SEMA3A: variants seen among roughly 807,000 people sequenced by gnomAD.
SEMA3A encodes the protein semaphorin-3A.
In SEMA3A, 29 loss-of-function variants were observed where a neutral mutation model predicts 97.9. The observed-to-expected ratio is 0.30, with a 90% CI of 0.22 to 0.40. The LOEUF (loss-of-function observed/expected upper bound fraction) is 0.40. Among genes scored for constraint, SEMA3A ranks in the 10% least tolerant of loss-of-function variants. SEMA3A has a pLI of 1.00. For missense variants in SEMA3A, 763 were observed against 951.3 expected, an observed-to-expected ratio of 0.80 and a Z score of 2.60; for synonymous variants, 321 against 323.7, an observed-to-expected ratio of 0.99 and a Z score of 0.09.
At chr7:84,282,449 C>A (rs575575646) in intron 3 of SEMA3A, among the ~76,000 whole-genome samples, 1 of 152,052 alleles carries the variant, frequency 6.6e-6, no homozygotes, top group Non-Finnish European at 1.5e-5. Context: ...TTAGCAACAT[C>A]ATAATTTATT....
intron 3 of SEMA3A, among the ~76,000 whole-genome samples, chr7:84,276,665 T>A (rs938780058): frequency 1.3e-5 from 2 of 152,132 alleles, no homozygotes; most frequent in Non-Finnish European, 2.9e-5. Flanking sequence ...ATTACAAATA[T>A]TTTATACAGT....
rs77465665 is a variant in SEMA3A at position 84,193,587 on chromosome 7, T to C, written c.112+888A>G. ...TATAGAAAGATTTACTGCCACTAAA[T>C]GTATGTATATCATTTTGGGCTCTAC... On this transcript the variant is annotated intron_variant, in intron 1 of 16. Coordinates refer to ENST00000265362, the MANE Select transcript of SEMA3A (RefSeq NM_006080.3). 6.7e-3 allele frequency among the ~76,000 whole-genome samples: 1,023 copies of C among 152,174 alleles called. 50 individuals are homozygous for C. The East Asian group carries it at 0.13, about 19-fold the overall frequency.
intron 2 of SEMA3A, among the ~76,000 whole-genome samples, chr7:84,368,202 C>A (rs1170844369): frequency 1.3e-5 from 2 of 151,144 alleles, no homozygotes; most frequent in Admixed American, 1.3e-4. Flanking sequence ...AAATGGTCTG[C>A]AGATTCATTC....
intron 2 of SEMA3A, among the ~76,000 whole-genome samples, chr7:84,371,474 C>G (rs1333797828): frequency 2.6e-5 from 4 of 151,618 alleles, no homozygotes; most frequent in Non-Finnish European, 5.9e-5. Flanking sequence ...TTTGGAAAAG[C>G]ATTTAGGTCT....
At chr7:84,388,763 G>C (rs1248351857) in intron 1 of SEMA3A, among the ~76,000 whole-genome samples, 2 of 151,968 alleles carry the variant, frequency 1.3e-5, no homozygotes, top group Admixed American at 6.6e-5. Flanking sequence ...GTATTTAAGG[G>C]ACCTTCAGTT....
intron 6 of SEMA3A, among the ~76,000 whole-genome samples, chr7:84,018,658 G>C (rs904167227): frequency 3.3e-5 from 5 of 152,166 alleles, no homozygotes; most frequent in Non-Finnish European, 7.4e-5. Flanking sequence ...AACATCTCAG[G>C]TGAAGGAATG....
At chr7:84,179,289 C>T (rs1797663575) in intron 1 of SEMA3A, among the ~76,000 whole-genome samples, 1 of 152,120 alleles carries the variant, frequency 6.6e-6, no homozygotes, top group African/African-American at 2.4e-5. Flanking sequence ...TCAAAATTGG[C>T]TCCCATTGTC....
chr7:84,290,439 G>GT (rs147957658), intron 3 of SEMA3A, among the ~76,000 whole-genome samples: 17,731 of 147,872 alleles, frequency 0.12, 1,196 homozygotes, highest in East Asian at 0.32. Context: ...TTTAAAAGTT[G>GT]TTTTTTTTTT....
At chr7:84,398,300 A>C (rs988771390) in intron 1 of SEMA3A, among the ~76,000 whole-genome samples, 5 of 152,170 alleles carry the variant, frequency 3.3e-5, no homozygotes, top group African/African-American at 9.7e-5. Flanking sequence ...GAGGAGCTTT[A>C]TACCATTTAA....
At chr7:84,447,050 C>T (rs1324161311) in intron 1 of SEMA3A, among the ~76,000 whole-genome samples, 3 of 152,182 alleles carry the variant, frequency 2.0e-5, no homozygotes, top group African/African-American at 4.8e-5. Context: ...TGGCCTCGCT[C>T]GGCTCCCCGT....
chr7:84,272,574 G>A (rs1261118268), intron 3 of SEMA3A, among the ~76,000 whole-genome samples: 1 of 151,940 alleles, frequency 6.6e-6, no homozygotes, highest in Non-Finnish European at 1.5e-5. Context: ...TAGCATCTAG[G>A]ACCTTCTTAA....
intron 2 of SEMA3A, among the ~76,000 whole-genome samples, chr7:84,350,891 A>G (rs1009972928): frequency 1.3e-5 from 2 of 152,150 alleles, no homozygotes; most frequent in South Asian, 4.1e-4. Flanking sequence ...TGGTCCTGAC[A>G]CTTGGTGTCC....
chr7:84,276,089 C>T (rs989044814), intron 3 of SEMA3A, among the ~76,000 whole-genome samples: 2 of 152,026 alleles, frequency 1.3e-5, no homozygotes, highest in African/African-American at 4.8e-5. Flanking sequence ...TGTCCCATGC[C>T]CTAAGTTCCA....
At chr7:84,345,388 TAAGAA>T (rs1802273844) in intron 2 of SEMA3A, among the ~76,000 whole-genome samples, 1 of 152,050 alleles carries the variant, frequency 6.6e-6, no homozygotes, top group Non-Finnish European at 1.5e-5. Context: ...TTACTGAAAA[TAAGAA>T]AACAATAAAA....
intron 5 of SEMA3A, among the ~76,000 whole-genome samples, chr7:84,055,677 C>G (rs958625771): frequency 6.6e-6 from 1 of 152,202 alleles, no homozygotes; most frequent in African/African-American, 2.4e-5. Context: ...GCGTTGCTCA[C>G]GCTCGGAGCT....
intron 1 of SEMA3A, among the ~76,000 whole-genome samples, chr7:84,154,823 A>C (rs1219660170): frequency 1.4e-4 from 22 of 152,010 alleles, no homozygotes; most frequent in Admixed American, 1.4e-3. Flanking sequence ...TTTCAGTCAT[A>C]TGCCTAGAAT....
At chr7:84,470,530 G>A (rs1806118980) in intron 1 of SEMA3A, among the ~76,000 whole-genome samples, 1 of 152,076 alleles carries the variant, frequency 6.6e-6, no homozygotes, top group Non-Finnish European at 1.5e-5. Flanking sequence ...TTGTGCATGG[G>A]TCTTACCTTT....
At chr7:84,491,155 A>G (rs971153353) in intron 1 of SEMA3A, among the ~76,000 whole-genome samples, 10 of 152,150 alleles carry the variant, frequency 6.6e-5, no homozygotes, top group African/African-American at 2.4e-4. Context: ...TGGCTTTTAA[A>G]TCATCATTTT....
At chr7:84,120,717 CAG>C (rs780585119) in intron 3 of SEMA3A, among the ~76,000 whole-genome samples, 8 of 152,140 alleles carry the variant, frequency 5.3e-5, no homozygotes, top group Non-Finnish European at 8.8e-5. Flanking sequence ...TAAGATTATG[CAG>C]AGTGTCCACA....
Sources: allele counts gnomAD v4.1 joint callset (sites outside exome capture counted in the v4.1 genomes callset), GRCh38; gene constraint gnomAD v4.1.1; transcripts MANE v1.5; gene names NCBI Gene and HGNC (gene_info 2026-07-23, HGNC 2026-07-21).